ERICH1: variants seen among roughly 807,000 people sequenced by gnomAD.
ERICH1 encodes glutamate-rich protein 1.
A neutral mutation model predicts 39.6 loss-of-function variants in ERICH1; 56 were observed. The observed-to-expected ratio is 1.41, with a 90% CI of 1.14 to 1.77. The LOEUF (loss-of-function observed/expected upper bound fraction) is 1.77, where lower values mean the gene tolerates loss of function less well. Ranked by LOEUF, ERICH1 falls within the 40% of genes most tolerant of loss-of-function variation. The pLI is 0.00. For missense variants in ERICH1, 826 were observed against 575.4 expected, an observed-to-expected ratio of 1.44 and a Z score of -4.45; for synonymous variants, 313 against 223.6, an observed-to-expected ratio of 1.40 and a Z score of -3.57.
At chr8:703,477 C>T (rs1041201965) in intron 2 of ERICH1, among the ~76,000 whole-genome samples, 1 of 152,150 alleles carries the variant, frequency 6.6e-6, no homozygotes, top group Non-Finnish European at 1.5e-5. Context: ...AAAAGGGGGG[C>T]AGGCAGGCTG....
At position 673,704 on chromosome 8, in the gene ERICH1, T is replaced by C; in HGVS notation, c.648A>G (p.Glu216=). 6.2e-7 allele frequency: 1 copy of C among 1,614,166 alleles called. No homozygotes were observed. Among genetic ancestry groups the C allele is most frequent in the Non-Finnish European group, 8.5e-7 (1 of 1,179,984 alleles). The stretch of plus-strand genomic sequence containing the variant: ...CTTCCTCCCCGGCCAGTGTCGGGTC[T>C]TCCTCGCTGGTGTCCACACCATCCT... ...CEEDGVDTSE[E]DPTLAGEEDV... Residue 216 remains glutamate, a synonymous_variant, in exon 4 of 6, where the codon GAA becomes GAG. Coordinates refer to ENST00000262109, the MANE Select transcript of ERICH1 (RefSeq NM_207332.3).
intron 1 of ERICH1, among the ~76,000 whole-genome samples, chr8:720,647 ACAATGTCCCTTTTCAAATT>A (rs1431019867): frequency 6.6e-6 from 1 of 152,218 alleles, no homozygotes; most frequent in African/African-American, 2.4e-5. Flanking sequence ...CACGGGAAAG[ACAATGTCCCTTTTCAAATT>A]CAAACTTGAG....
chr8:637,695 CCCA>C (rs1279256015), intron 3 of ERICH1: 2 of 152,326 alleles, frequency 1.3e-5, no homozygotes, highest in African/African-American at 4.8e-5. Flanking sequence ...GCAACACAGC[CCCA>C]CCGTGTGCCT....
intron 3 of ERICH1, among the ~76,000 whole-genome samples, chr8:680,342 C>T (rs1233459076): frequency 7.0e-6 from 1 of 142,648 alleles, no homozygotes; most frequent in African/African-American, 2.6e-5. Context: ...ACAGCTGCCA[C>T]CCCTGTGAAC....
At chr8:712,103 C>G (rs1440729077) in intron 2 of ERICH1, among the ~76,000 whole-genome samples, 1 of 152,124 alleles carries the variant, frequency 6.6e-6, no homozygotes, top group Admixed American at 6.5e-5. Flanking sequence ...TTGTTTTTCT[C>G]CTTTAATATT....
At chr8:668,191 G>A (rs1451697745) in intron 5 of ERICH1, 4 of 255,262 alleles carry the variant, frequency 1.6e-5, no homozygotes, top group Middle Eastern at 2.9e-3. Flanking sequence ...GGTGAAGGTG[G>A]CAGAAAATAA....
intron 2 of ERICH1, among the ~76,000 whole-genome samples, chr8:692,813 C>T (rs1809224225): frequency 6.6e-6 from 1 of 152,198 alleles, no homozygotes; most frequent in Admixed American, 6.5e-5. Context: ...GCTACACACC[C>T]AGCCAAGAAA....
intron 3 of ERICH1, among the ~76,000 whole-genome samples, chr8:636,257 T>C (rs931374685): frequency 1.3e-5 from 2 of 152,214 alleles, no homozygotes; most frequent in Non-Finnish European, 2.9e-5. Context: ...ACAGCCTCCC[T>C]GAAGCTCAGC....
chr8:692,639 A>T, intron 2 of ERICH1, 27 bp from the exon 3 acceptor site: 1 of 1,551,764 alleles, frequency 6.4e-7, no homozygotes, highest in Non-Finnish European at 8.7e-7. Flanking sequence ...AAATAACAGG[A>T]ACTGGTAAAT....
intron 2 of ERICH1, among the ~76,000 whole-genome samples, chr8:713,476 G>A (rs1334155369): frequency 6.6e-6 from 1 of 152,182 alleles, no homozygotes; most frequent in Non-Finnish European, 1.5e-5. Context: ...TTGTCCCATG[G>A]GAAAAGCATG....
chr8:625,972 G>C (rs1230365206), intron 3 of ERICH1: 1 of 152,190 alleles, frequency 6.6e-6, no homozygotes, highest in South Asian at 2.1e-4. Flanking sequence ...ATTCTGCCTA[G>C]CAAAGGATAT....
At chr8:728,164 G>GCTTT (rs1819224573) in intron 1 of ERICH1, among the ~76,000 whole-genome samples, 1 of 152,202 alleles carries the variant, frequency 6.6e-6, no homozygotes, top group Admixed American at 6.5e-5. Context: ...GTCAGGGAGA[G>GCTTT]GGCCAGAGCC....
At chr8:730,133 A>G (rs1358352948) in intron 1 of ERICH1, among the ~76,000 whole-genome samples, 1 of 152,186 alleles carries the variant, frequency 6.6e-6, no homozygotes, top group Non-Finnish European at 1.5e-5. Flanking sequence ...GTGAATGTCC[A>G]TTTTAGAGCC....
intron 3 of ERICH1, among the ~76,000 whole-genome samples, chr8:652,387 C>T (rs1800087896): frequency 6.6e-6 from 1 of 152,198 alleles, no homozygotes; most frequent in African/African-American, 2.4e-5. Flanking sequence ...AATGCAGAGC[C>T]CGACCGTTGT....
chr8:689,789 G>A (rs937468372), intron 3 of ERICH1, among the ~76,000 whole-genome samples: 8 of 152,194 alleles, frequency 5.3e-5, no homozygotes, highest in Non-Finnish European at 1.5e-5. Context: ...GAAGACGGAC[G>A]TAAGCGGTAT....
chr8:730,790 A>C (rs1263130316), intron 1 of ERICH1, among the ~76,000 whole-genome samples: 1 of 152,226 alleles, frequency 6.6e-6, no homozygotes, highest in African/African-American at 2.4e-5. Context: ...GCCCTGGGCT[A>C]GGACCCCTCT....
intron 1 of ERICH1, chr8:725,437 C>G (rs1818378456): frequency 1.3e-5 from 2 of 152,586 alleles, no homozygotes; most frequent in African/African-American, 4.8e-5. Context: ...GAGGCAGCAG[C>G]CCAGCAGGAC....
chr8:710,132 G>T lies in ERICH1; in HGVS notation c.169+5729C>A, dbSNP rs769539850. 2.7e-4 allele frequency among the ~76,000 whole-genome samples: 41 copies of T among 152,232 alleles called. 1 individual carries two copies. The highest frequency in any genetic ancestry group is 1.4e-3 in the Admixed American group (21 of 15,282). ...CAATAAACCTACGCTGACACACGTT[G>T]CCACCCCGGTCTGCAGTTTACATTG... is the stretch of plus-strand genomic sequence containing the variant. On this transcript the variant is annotated intron_variant, in intron 2 of 5. Coordinates refer to ENST00000262109, the MANE Select transcript of ERICH1 (RefSeq NM_207332.3).
intron 3 of ERICH1, among the ~76,000 whole-genome samples, chr8:685,561 A>G (rs550588963): frequency 1.3e-5 from 2 of 152,340 alleles, no homozygotes; most frequent in East Asian, 3.9e-4. Flanking sequence ...AATCTTCACA[A>G]TTTATGTTCA....
Sources: gnomAD v4.1 joint callset for allele counts (sites outside exome capture counted in the v4.1 genomes callset) on GRCh38, gnomAD v4.1.1 for gene constraint, MANE v1.5 for transcripts, NCBI Gene and HGNC (gene_info 2026-07-23, HGNC 2026-07-21) for gene names.